Variants in TRIM5 observed in about 807,000 individuals in gnomAD.
TRIM5 encodes tripartite motif-containing protein 5.
TRIM5 carries 31 observed loss-of-function variants against 35.6 expected under a neutral mutation model. The ratio of observed to expected loss-of-function variants is 0.87; its 90% CI spans 0.65 to 1.18. TRIM5 has a LOEUF of 1.18. Among genes scored for constraint, TRIM5 ranks in the 50% most tolerant of loss-of-function variants. The pLI is 0.00. For synonymous variants in TRIM5, 243 were observed against 215.6 expected, an observed-to-expected ratio of 1.13 and a Z score of -1.11; for missense variants, 609 against 591.6, an observed-to-expected ratio of 1.03 and a Z score of -0.31.
the TRIM5 span, among the ~76,000 whole-genome samples, chr11:5,599,373 T>C: frequency 1 from 151,752 of 151,904 alleles, 75,800 homozygotes; most frequent in Non-Finnish European, 1. Context: ...ATAATACCAA[T>C]ACAATTATTA....
chr11:5,647,502 G>A, the TRIM5 span, among the ~76,000 whole-genome samples: 2 of 152,100 alleles, frequency 1.3e-5, no homozygotes, highest in Non-Finnish European at 2.9e-5. Context: ...TGGCAGACAA[G>A]ATATAATTCT....
the TRIM5 span, among the ~76,000 whole-genome samples, chr11:5,595,734 T>G: frequency 1.6e-4 from 24 of 151,996 alleles, no homozygotes; most frequent in Non-Finnish European, 2.6e-4. Context: ...TTTTTTTTTT[T>G]TGAGAGAGAG....
the TRIM5 span, among the ~76,000 whole-genome samples, chr11:5,613,541 A>C: frequency 1.9e-3 from 283 of 152,264 alleles, no homozygotes; most frequent in African/African-American, 6.3e-3. Context: ...AGAGATATAA[A>C]AGGAGATAGG....
chr11:5,632,665 A>G, the TRIM5 span: 2 of 1,612,864 alleles, frequency 1.2e-6, no homozygotes, highest in African/African-American at 2.7e-5. Context: ...TAAGGAGGAT[A>G]GGAAAGTCAT....
the TRIM5 span, among the ~76,000 whole-genome samples, chr11:5,607,311 G>C: frequency 6.6e-6 from 1 of 152,132 alleles, no homozygotes; most frequent in Admixed American, 6.5e-5. Flanking sequence ...GATCATTTCA[G>C]TTCCTCAGTA....
chr11:5,607,062 GGC>G, the TRIM5 span, among the ~76,000 whole-genome samples: 8 of 152,176 alleles, frequency 5.3e-5, no homozygotes, highest in South Asian at 6.2e-4. Flanking sequence ...AAATTAGCCG[GGC>G]GTGGTGGCGG....
At chr11:5,609,733 T>C in the TRIM5 span, among the ~76,000 whole-genome samples, 7,778 of 152,166 alleles carry the variant, frequency 0.051, 256 homozygotes, top group Non-Finnish European at 0.076. Context: ...CCATCCTGGC[T>C]AACATGATGA....
At chr11:5,673,909 G>A (rs1337491594) in intron 4 of TRIM5, among the ~76,000 whole-genome samples, 1 of 151,498 alleles carries the variant, frequency 6.6e-6, no homozygotes, top group South Asian at 2.1e-4. Context: ...TATAGTTAAA[G>A]CAATTCATTT....
chr11:5,598,265 G>T, the TRIM5 span, among the ~76,000 whole-genome samples: 1 of 152,184 alleles, frequency 6.6e-6, no homozygotes, highest in Non-Finnish European at 1.5e-5. Flanking sequence ...GCTTGCTGGT[G>T]TGTGGGCAAG....
the TRIM5 span, among the ~76,000 whole-genome samples, chr11:5,598,611 T>G: frequency 1.3e-5 from 2 of 152,202 alleles, no homozygotes; most frequent in African/African-American, 4.8e-5. Context: ...AATAAGATCC[T>G]TTAACTTTTT....
rs1394654131 is a variant in TRIM5, at chr11:5,665,167, AC to A, written c.1123del (p.Val375TyrfsTer28). On this transcript the variant is annotated frameshift_variant, in exon 8 of 8. Transcript: ENST00000380034. LOFTEE classifies it low-confidence loss of function (END_TRUNC). Reference protein sequence around the residue: ...VSKKTAWILGVCAGFQPDAMC... With the variant: ...VSKKTAWILGXCAGFQPDAMC... ...TGCATCAGGTTGGAAGCCAGCACAT[AC>A]CCCCAGGATCCAAGCAGTTTTCTTG... 1.2e-6 allele frequency: 2 copies of A among 1,614,024 alleles called. No homozygotes were observed. The highest frequency in any genetic ancestry group is 8.5e-7 in the Non-Finnish European group (1 of 1,179,994).
chr11:5,659,307 C>T (rs1850737774), downstream of TRIM5, among the ~76,000 whole-genome samples: 1 of 152,162 alleles, frequency 6.6e-6, no homozygotes, highest in South Asian at 2.1e-4. Flanking sequence ...GCCATTCCCC[C>T]TGTCGCATGC....
chr11:5,629,786 G>C, the TRIM5 span, among the ~76,000 whole-genome samples: 11 of 152,208 alleles, frequency 7.2e-5, no homozygotes, highest in East Asian at 3.9e-4. Context: ...CGGCTCACTG[G>C]AAGCTCTGCC....
At chr11:5,671,043 T>C (rs996634572) in intron 4 of TRIM5, among the ~76,000 whole-genome samples, 2 of 151,904 alleles carry the variant, frequency 1.3e-5, no homozygotes, top group Non-Finnish European at 2.9e-5. Context: ...CTGGGCAACA[T>C]GGTGAAATCC....
the TRIM5 span, chr11:5,604,786 G>C: frequency 1.5e-6 from 1 of 666,134 alleles, no homozygotes; most frequent in African/African-American, 1.9e-5. Context: ...CCAAACAGGG[G>C]GAGGAGAGGA....
the TRIM5 span, among the ~76,000 whole-genome samples, chr11:5,638,613 T>C: frequency 6.6e-6 from 1 of 152,162 alleles, no homozygotes; most frequent in South Asian, 2.1e-4. Context: ...CTTGATAAAA[T>C]GTTTTAGTGT....
In TRIM5 at chr11:5,667,848, A is replaced by G. The variant is rs542910772; in HGVS notation, c.745-137T>C. 2.3e-5 allele frequency: 20 copies of G among 867,062 alleles called. No homozygotes were observed. In the South Asian group the frequency reaches 2.7e-4, roughly 12 times the overall value. 53.7% of individuals were successfully genotyped at this position (867,062 alleles called of 1,614,324 possible). A position where few individuals can be genotyped will look rare whatever the true frequency, so the allele number is the denominator to read the frequency against. On this transcript the variant is annotated intron_variant, in intron 4 of 7. Transcript: ENST00000380034. ...GTGTGAAAGACAAAAAAGCAAAGAT[A>G]AGACTCAAGGCAATCATCCCAGAAG... is the stretch of plus-strand genomic sequence containing the variant.
chr11:5,667,195 T>A (rs780200929), intron 5 of TRIM5, among the ~76,000 whole-genome samples: 1 of 152,122 alleles, frequency 6.6e-6, no homozygotes. Flanking sequence ...TTTCTTTTTT[T>A]TAATTTTATT....
At chr11:5,643,363 T>G in the TRIM5 span, 1 of 1,613,982 alleles carries the variant, frequency 6.2e-7, no homozygotes, top group African/African-American at 1.3e-5. Context: ...TCCCGCCATA[T>G]GAAGTATGTT....
Sources: gnomAD v4.1 joint callset for allele counts (sites outside exome capture counted in the v4.1 genomes callset) on GRCh38, gnomAD v4.1.1 for gene constraint, MANE v1.5 for transcripts, NCBI Gene and HGNC (gene_info 2026-07-23, HGNC 2026-07-21) for gene names.